The following PEAK1 variants were observed in gnomAD, a reference collection of about 807,000 sequenced individuals.
PEAK1 encodes the protein pseudopodium enriched atypical kinase 1.
A neutral mutation model predicts 124.7 loss-of-function variants in PEAK1; 54 were observed. The ratio of observed to expected loss-of-function variants is 0.43; its 90% confidence interval spans 0.35 to 0.54. The LOEUF is 0.54. Among genes scored for constraint, PEAK1 ranks in the 20% least tolerant of loss-of-function variants. PEAK1 has a pLI of 0.01. For synonymous variants in PEAK1, 719 were observed against 760.0 expected, an observed-to-expected ratio of 0.95 and a Z score of 0.89; for missense variants, 2,046 against 2,134.5, an observed-to-expected ratio of 0.96 and a Z score of 0.82.
intron 7 of PEAK1, among the ~76,000 whole-genome samples, chr15:77,177,157 T>C (rs1358036948): frequency 1.3e-5 from 2 of 152,186 alleles, no homozygotes; most frequent in East Asian, 1.9e-4. Flanking sequence ...GGTTTCACCA[T>C]GTTGGCAAGG....
At chr15:77,281,878 C>A (rs970232335) in intron 5 of PEAK1, among the ~76,000 whole-genome samples, 1 of 152,258 alleles carries the variant, frequency 6.6e-6, no homozygotes, top group Admixed American at 6.5e-5. Context: ...TGCAGGCCAA[C>A]AGATTCTGTA....
chr15:77,202,621 A>T (rs1193991204), intron 6 of PEAK1, among the ~76,000 whole-genome samples: 1 of 151,700 alleles, frequency 6.6e-6, no homozygotes, highest in Non-Finnish European at 1.5e-5. Flanking sequence ...TAAAAAAAAA[A>T]TAGCTGGGCA....
intron 2 of PEAK1, among the ~76,000 whole-genome samples, chr15:77,319,458 T>C (rs1162563355): frequency 3.9e-5 from 6 of 152,240 alleles, no homozygotes; most frequent in African/African-American, 1.4e-4. Flanking sequence ...AGTTCTTAAA[T>C]AAAAGAAAGT....
chr15:77,419,297 C>A (rs1012521235), intron 1 of PEAK1: 1 of 985,206 alleles, frequency 1.0e-6, no homozygotes, highest in Admixed American at 6.2e-5. Flanking sequence ...ATGGTGCATG[C>A]GACGAGAGGG....
chr15:77,178,416 G>C (rs1052835383), intron 7 of PEAK1: 2 of 238,528 alleles, frequency 8.4e-6, no homozygotes, highest in African/African-American at 4.4e-5. Context: ...TTTACAGTGA[G>C]GGAAAGAACA....
chr15:77,382,987 A>G (rs2069606454), intron 1 of PEAK1, among the ~76,000 whole-genome samples: 1 of 151,936 alleles, frequency 6.6e-6, no homozygotes, highest in Non-Finnish European at 1.5e-5. Flanking sequence ...TGAATCATCA[A>G]AATGTTGAAA....
intron 1 of PEAK1, among the ~76,000 whole-genome samples, chr15:77,367,077 T>A (rs531256338): frequency 6.6e-6 from 1 of 152,114 alleles, no homozygotes; most frequent in Non-Finnish European, 1.5e-5. Context: ...GAGATTGCAG[T>A]GAGCCGAGAT....
rs78463504 is a variant in PEAK1 at position 77,204,010 on chromosome 15, C to T, written c.-114-21970G>A. On this transcript the variant is annotated intron_variant, in intron 6 of 9. Transcript: ENST00000682557. Reference sequence around the variant, plus strand: ...ATAGTGATACGAAATATTTGCAACACGTATCTGCAAAGGGACTGTTATTCA... The same window carrying T: ...ATAGTGATACGAAATATTTGCAACATGTATCTGCAAAGGGACTGTTATTCA... Among the ~76,000 whole-genome samples the T allele has an allele frequency of 1.2e-3, 187 of 152,228 alleles. 2 individuals are homozygous for T. Among genetic ancestry groups the T allele is most frequent in the African/African-American group, 4.3e-3 (177 of 41,532 alleles).
At chr15:77,286,343 C>T (rs2062930775) in intron 3 of PEAK1, 80 bp downstream of exon 3, 1 of 770,810 alleles carries the variant, frequency 1.3e-6, no homozygotes. Context: ...TAGATTTTTG[C>T]TGAAATAAGA....
intron 2 of PEAK1, among the ~76,000 whole-genome samples, chr15:77,324,787 G>C (rs1438235032): frequency 6.6e-6 from 1 of 152,124 alleles, no homozygotes; most frequent in Non-Finnish European, 1.5e-5. Context: ...TGTGAAGACA[G>C]TACCAAGGGG....
chr15:77,404,191 C>T (rs2071609338), intron 1 of PEAK1: 1 of 985,284 alleles, frequency 1.0e-6, no homozygotes, highest in Admixed American at 6.1e-5. Context: ...AAAGGTTTAA[C>T]ATCTTGTGAG....
At chr15:77,208,179 A>T (rs1251028917) in intron 6 of PEAK1, among the ~76,000 whole-genome samples, 1 of 152,202 alleles carries the variant, frequency 6.6e-6, no homozygotes, top group South Asian at 2.1e-4. Context: ...CTTTAATTCA[A>T]TACAATAATC....
At chr15:77,301,425 G>A (rs2063780613) in intron 2 of PEAK1, among the ~76,000 whole-genome samples, 1 of 152,146 alleles carries the variant, frequency 6.6e-6, no homozygotes, top group African/African-American at 2.4e-5. Flanking sequence ...ATAAGATCAC[G>A]TTCACAAGTT....
intron 6 of PEAK1, among the ~76,000 whole-genome samples, chr15:77,246,933 G>A (rs1036514774): frequency 3.3e-5 from 5 of 152,034 alleles, no homozygotes; most frequent in Admixed American, 6.5e-5. Flanking sequence ...TTCGAGAATC[G>A]TTTGAACTTG....
At chr15:77,347,734 G>A in intron 2 of PEAK1, 1 of 973,802 alleles carries the variant, frequency 1.0e-6, no homozygotes, top group Non-Finnish European at 1.2e-6. Context: ...ACTCTTCCTA[G>A]GTTACAAAAT....
intron 7 of PEAK1, among the ~76,000 whole-genome samples, chr15:77,171,114 G>A (rs2056472898): frequency 6.6e-6 from 1 of 152,006 alleles, no homozygotes; most frequent in East Asian, 1.9e-4. Flanking sequence ...AAAAAATCAT[G>A]CTACTTTCCC....
chr15:77,108,142 G>C (rs2050787126), downstream of PEAK1: 1 of 152,182 alleles, frequency 6.6e-6, no homozygotes, highest in African/African-American at 2.4e-5. Flanking sequence ...TCGCCAAAAG[G>C]ACAAGCATTT....
At chr15:77,402,182 A>AAAG in intron 1 of PEAK1, 1 of 981,738 alleles carries the variant, frequency 1.0e-6, no homozygotes, top group Non-Finnish European at 1.2e-6. Context: ...AAAAAAAAAA[A>AAAG]GGGACCAGAT....
intron 1 of PEAK1, among the ~76,000 whole-genome samples, chr15:77,414,599 T>C (rs988713290): frequency 1.3e-5 from 2 of 152,186 alleles, no homozygotes; most frequent in African/African-American, 4.8e-5. Context: ...CCTGGTTCCA[T>C]CACTTGACAG....
Sources: gnomAD v4.1 joint callset for allele counts (sites outside exome capture counted in the v4.1 genomes callset) on GRCh38, gnomAD v4.1.1 for gene constraint, MANE v1.5 for transcripts, NCBI Gene and HGNC (gene_info 2026-07-23, HGNC 2026-07-21) for gene names.